The following RGS6 variants were observed in gnomAD, a reference collection of about 807,000 sequenced individuals.
RGS6 encodes the protein regulator of G-protein signaling 6.
A neutral mutation model predicts 78.5 loss-of-function variants in RGS6; 30 were observed. The ratio of observed to expected loss-of-function variants is 0.38; its 90% CI spans 0.29 to 0.52. The LOEUF (loss-of-function observed/expected upper bound fraction) is 0.52. RGS6 is among the 20% of genes least tolerant of loss of function. RGS6 has a pLI of 0.85. For missense variants in RGS6, 495 were observed against 609.7 expected (o/e 0.81, Z 1.98); for synonymous variants, 206 against 206.0 (o/e 1.00, Z 0.00).
intron 2 of RGS6, among the ~76,000 whole-genome samples, chr14:72,051,960 T>G (rs1038215016): frequency 3.3e-5 from 5 of 152,098 alleles, no homozygotes; most frequent in Non-Finnish European, 7.4e-5. Context: ...AAATTCTAGG[T>G]GGATGGTTTG....
At chr14:71,978,898 T>A (rs1054491366) in intron 2 of RGS6, among the ~76,000 whole-genome samples, 4 of 145,012 alleles carry the variant, frequency 2.8e-5, no homozygotes, top group African/African-American at 5.0e-5. Context: ...GGTCCTGGAC[T>A]CTTTTTGGTT....
intron 3 of RGS6, among the ~76,000 whole-genome samples, chr14:72,409,876 C>T (rs2093271177): frequency 6.6e-6 from 1 of 152,166 alleles, no homozygotes. Flanking sequence ...ATCCATGTCC[C>T]TACAAAGCAC....
intron 2 of RGS6, among the ~76,000 whole-genome samples, chr14:72,166,134 AC>A (rs371687977): frequency 0.09 from 6,807 of 75,800 alleles, 148 homozygotes; most frequent in Middle Eastern, 0.12. Flanking sequence ...ACACACACAC[AC>A]ACAGACTGAC....
At chr14:72,582,167 C>G in the RGS6 span, among the ~76,000 whole-genome samples, 1 of 152,188 alleles carries the variant, frequency 6.6e-6, no homozygotes, top group African/African-American at 2.4e-5. Flanking sequence ...GACCTAAACA[C>G]CTACCACAGG....
At chr14:72,617,505 T>C in the RGS6 span, among the ~76,000 whole-genome samples, 3 of 152,098 alleles carry the variant, frequency 2.0e-5, no homozygotes, top group South Asian at 2.1e-4. Context: ...ATGAGGAAGA[T>C]GAAAATTCCA....
chr14:72,299,118 A>G (rs1201377045), intron 2 of RGS6, among the ~76,000 whole-genome samples: 1 of 152,102 alleles, frequency 6.6e-6, no homozygotes, highest in Non-Finnish European at 1.5e-5. Context: ...GTAGGTTTTT[A>G]TGGTAGCATC....
At chr14:71,966,469 T>G (rs1462239770) in intron 2 of RGS6, among the ~76,000 whole-genome samples, 1 of 152,186 alleles carries the variant, frequency 6.6e-6, no homozygotes, top group Non-Finnish European at 1.5e-5. Flanking sequence ...AGACATTGAG[T>G]CATTGTTACT....
chr14:72,453,227 G>C (rs932932919), intron 3 of RGS6, among the ~76,000 whole-genome samples: 13 of 152,066 alleles, frequency 8.5e-5, no homozygotes, highest in Non-Finnish European at 1.6e-4. Context: ...GAGTTTCCAG[G>C]TACTAGGGAT....
chr14:72,562,614 A>T lies in RGS6; in HGVS notation c.*147A>T, dbSNP rs188258238. The T allele has an allele frequency of 1.3e-6, 2 of 1,534,766 alleles. No homozygotes were observed. Among genetic ancestry groups the T allele is most frequent in the East Asian group, 4.9e-5 (2 of 40,916 alleles). On this transcript the variant is annotated 3_prime_UTR_variant, in exon 18 of 18. Coordinates refer to ENST00000553525, the MANE Select transcript of RGS6 (RefSeq NM_001204424.2). ...AGGGCAATGAAGGGCGATGGTGGGG[A>T]GACTCGGTGGGTGAATGGGGAGACC...
chr14:72,174,409 T>G lies in RGS6; in HGVS notation c.85-177686T>G, dbSNP rs531949302. Among the ~76,000 whole-genome samples, 8 of 152,348 alleles carry G rather than the reference T, an allele frequency of 5.3e-5. No homozygotes were observed. The East Asian group carries it at 1.5e-3, about 29-fold the overall frequency. On this transcript the variant is annotated intron_variant, in intron 2 of 17. Transcript: ENST00000553525. ...CACTGCGCCCGGTGACCACATCTGA[T>G]GCTGAACCAAAGGCAGCTCTTGGGA...
the RGS6 span, among the ~76,000 whole-genome samples, chr14:72,622,385 T>C: frequency 1.3e-5 from 2 of 152,096 alleles, no homozygotes; most frequent in Admixed American, 1.3e-4. Flanking sequence ...AGTTACATCA[T>C]TATTGCAGAG....
At chr14:72,549,243 TTTG>T (rs923508317) in intron 17 of RGS6, among the ~76,000 whole-genome samples, 1 of 146,448 alleles carries the variant, frequency 6.8e-6, no homozygotes, top group African/African-American at 2.5e-5. Flanking sequence ...TTTTCTGTTT[TTTG>T]TTTTTTTTTT....
intron 17 of RGS6, chr14:72,550,470 C>A: frequency 6.5e-7 from 1 of 1,535,636 alleles, no homozygotes; most frequent in Non-Finnish European, 8.7e-7. Flanking sequence ...GACAGACTGT[C>A]AAGCAAGGAC....
chr14:72,422,670 C>G (rs2094247724), intron 3 of RGS6, among the ~76,000 whole-genome samples: 1 of 152,122 alleles, frequency 6.6e-6, no homozygotes, highest in Non-Finnish European at 1.5e-5. Context: ...GTATGTGTCC[C>G]CATGAGAGTG....
chr14:72,159,023 A>G (rs1356258600), intron 2 of RGS6, among the ~76,000 whole-genome samples: 1 of 152,224 alleles, frequency 6.6e-6, no homozygotes, highest in African/African-American at 2.4e-5. Context: ...CTAATACCTA[A>G]TATAGTGCTT....
intron 2 of RGS6, among the ~76,000 whole-genome samples, chr14:72,298,549 C>G (rs1442916812): frequency 5.3e-5 from 8 of 150,950 alleles, no homozygotes; most frequent in Admixed American, 5.3e-4. Context: ...CCGGGTTCAC[C>G]CCATTCTCCT....
chr14:72,181,609 C>G (rs1484554651), intron 2 of RGS6, among the ~76,000 whole-genome samples: 1 of 152,178 alleles, frequency 6.6e-6, no homozygotes, highest in African/African-American at 2.4e-5. Context: ...GTGCTATATA[C>G]TGATTTGCAC....
chr14:72,131,372 G>A (rs927027775), intron 2 of RGS6, among the ~76,000 whole-genome samples: 1 of 152,186 alleles, frequency 6.6e-6, no homozygotes, highest in African/African-American at 2.4e-5. Flanking sequence ...GTCTTAGGAA[G>A]AATCTTATTA....
At chr14:71,921,848 G>A in the RGS6 span, among the ~76,000 whole-genome samples, 1 of 152,330 alleles carries the variant, frequency 6.6e-6, no homozygotes, top group South Asian at 2.1e-4. Context: ...TTGATAGGAT[G>A]GAAGGGCCCA....
Sources: allele counts gnomAD v4.1 joint callset (sites outside exome capture counted in the v4.1 genomes callset), GRCh38; gene constraint gnomAD v4.1.1; transcripts MANE v1.5; gene names NCBI Gene and HGNC (gene_info 2026-07-23, HGNC 2026-07-21).